Variants in MGP observed in about 807,000 individuals in gnomAD.
The protein encoded by MGP is matrix Gla protein.
In MGP, 13 loss-of-function variants were observed where a neutral mutation model predicts 14.5. The ratio of observed to expected loss-of-function variants is 0.89; its 90% CI spans 0.58 to 1.42. MGP has a LOEUF of 1.42. Ranked by LOEUF, MGP falls within the 40% of genes most tolerant of loss-of-function variation. The pLI is 0.00. For synonymous variants in MGP, 44 were observed against 46.3 expected (o/e 0.95, Z 0.20); for missense variants, 128 against 133.7 (o/e 0.96, Z 0.21).
Position 14,880,868 on chromosome 12 carries a change from A to G in MGP, c.*1271T>C, listed in dbSNP as rs1454778691. Among the ~76,000 whole-genome samples, 1 of 152,250 alleles carries G rather than the reference A, an allele frequency of 6.6e-6. No individual in the cohort carries two copies. The highest frequency in any genetic ancestry group is 1.5e-5 in the Non-Finnish European group (1 of 68,046). ...AAAGATAAAAATGTTAGAAGCAGCCAGAGATAAAAGATGCAGTATACACAG... is the reference window on the plus strand; with the variant it reads ...AAAGATAAAAATGTTAGAAGCAGCCGGAGATAAAAGATGCAGTATACACAG... On this transcript the variant is annotated 3_prime_UTR_variant, in exon 4 of 4. Coordinates refer to ENST00000539261, the MANE Select transcript of MGP (RefSeq NM_000900.5).
chr12:14,882,669 C>G (rs1384941282), intron 3 of MGP, among the ~76,000 whole-genome samples: 3 of 149,266 alleles, frequency 2.0e-5, no homozygotes, highest in Non-Finnish European at 4.5e-5. Context: ...AAAAACCAAC[C>G]AACCAACCAA....
intron 1 of MGP, chr12:14,884,712 G>A: frequency 1.0e-6 from 1 of 974,420 alleles, no homozygotes; most frequent in South Asian, 1.8e-5. Context: ...TTGCTCTGCT[G>A]GGCTTACTAG....
At chr12:14,884,106 C>A (rs917815409) in intron 2 of MGP, 107 bp downstream of exon 2, 7 of 879,414 alleles carry the variant, frequency 8.0e-6, no homozygotes, top group Non-Finnish European at 1.0e-5. Context: ...CCAAAAGAGG[C>A]CCCCTTTTCC....
intron 1 of MGP, chr12:14,884,885 C>T: frequency 1.3e-6 from 2 of 1,534,494 alleles, no homozygotes; most frequent in South Asian, 2.4e-5. Flanking sequence ...TTCTGCCACT[C>T]TCCTGAGCAC....
At position 14,881,965 on chromosome 12, in the gene MGP, A is replaced by G; in HGVS notation, c.*174T>C. On this transcript the variant is annotated 3_prime_UTR_variant, in exon 4 of 4. Transcript: ENST00000539261. ...TCTCCTTTGACCCTCACTGCAGTGC[A>G]CTTTCATTACTTATCAATCTGGGGG... 1.3e-6 allele frequency: 1 copy of G among 741,518 alleles called. No homozygotes were observed. Among genetic ancestry groups the G allele is most frequent in the Non-Finnish European group, 2.3e-6 (1 of 439,368 alleles). The allele number at this position is 741,518 out of a possible 1,614,324, so 45.9% of individuals were successfully genotyped here.
chr12:14,885,113 A>G (rs1863425042), intron 1 of MGP, among the ~76,000 whole-genome samples: 1 of 152,258 alleles, frequency 6.6e-6, no homozygotes, highest in African/African-American at 2.4e-5. Flanking sequence ...AAATAAGTAA[A>G]TAACTTTGCT....
At chr12:14,882,829 C>T in intron 3 of MGP, 143 bp downstream of exon 3, 5 of 646,992 alleles carry the variant, frequency 7.7e-6, no homozygotes, top group South Asian at 7.1e-5. Flanking sequence ...CAGTTGTTTT[C>T]TGAATATTGC....
chr12:14,883,001 C>T lies in MGP; in HGVS notation c.141G>A (p.Gln47=), dbSNP rs548359645. The T allele has an allele frequency of 6.2e-7, 1 of 1,612,866 alleles. No individual in the cohort carries two copies. The highest frequency in any genetic ancestry group is 1.1e-5 in the South Asian group (1 of 91,056). The part of the protein sequence containing the change: ...RRNANTFISP[Q]QRWRAKVQER... Reference sequence around the variant, plus strand: ...CTTGGACTTTAGCTCTCCATCTCTGCTGAGGGGATATGAAGGTATTTGCAT... The same window carrying T: ...CTTGGACTTTAGCTCTCCATCTCTGTTGAGGGGATATGAAGGTATTTGCAT... Residue 47 remains glutamine (Q), a synonymous_variant, in exon 3 of 4, where the codon CAG becomes CAA. Coordinates refer to ENST00000539261, the MANE Select transcript of MGP (RefSeq NM_000900.5).
chr12:14,882,234 A>G lies in MGP; in HGVS notation c.217T>C (p.Cys73Arg), dbSNP rs746809135. ...CGTTCGCAAAGTCTGTAGTCATCACAGGCTTCCCTATTGAGCTCGTGGACA... is the reference window on the plus strand; with the variant it reads ...CGTTCGCAAAGTCTGTAGTCATCACGGGCTTCCCTATTGAGCTCGTGGACA... ...KPVHELNREA[C>R]DDYRLCERYA... is the part of the protein sequence containing the mutation. Residue 73 changes from cysteine (C) to arginine (R), a missense_variant, in exon 4 of 4, where the codon TGT becomes CGT. Physicochemically the swap from Cys to Arg is radical, Grantham distance 180. Transcript: ENST00000539261. The G allele has an allele frequency of 6.2e-7, 1 of 1,614,160 alleles. No homozygotes were observed.
At chr12:14,882,948 T>C (rs1863396979) in intron 3 of MGP, 24 bp downstream of exon 3, 1 of 1,540,406 alleles carries the variant, frequency 6.5e-7, no homozygotes, top group African/African-American at 1.4e-5. Flanking sequence ...AAATGACCAC[T>C]CCTCATGAAG....
In MGP at chr12:14,881,409, TATAAC is replaced by T. The variant is rs34250246; in HGVS notation, c.*725_*729del. On this transcript the variant is annotated 3_prime_UTR_variant, in exon 4 of 4. Coordinates refer to ENST00000539261, the MANE Select transcript of MGP (RefSeq NM_000900.5). ...CCTTTAACAAATGTAGAAGTAAAAA[TATAAC>T]ATAAGTAGAAGTAAAAAATAATTGG... The T allele has an allele frequency of 1.7e-3, 257 of 152,262 alleles. No individual in the cohort carries two copies. Among genetic ancestry groups the T allele is most frequent in the African/African-American group, 5.8e-3 (240 of 41,564 alleles). 9.4% of individuals were successfully genotyped at this position (152,262 alleles called of 1,614,324 possible). A position where few individuals can be genotyped will look rare whatever the true frequency, so the allele number is the denominator to read the frequency against.
rs751425407 is a variant in MGP at position 14,883,011 on chromosome 12, A to T, written c.131T>A (p.Ile44Lys). 1 of 1,613,028 alleles carries T rather than the reference A, an allele frequency of 6.2e-7. No homozygotes were observed. The highest frequency in any genetic ancestry group is 8.5e-7 in the Non-Finnish European group (1 of 1,179,118). Residue 44 changes from isoleucine to lysine, a missense_variant, in exon 3 of 4, where the codon ATA becomes AAA. Transcript: ENST00000539261. ...AGCTCTCCATCTCTGCTGAGGGGAT[A>T]TGAAGGTATTTGCATTTCTCCTGTT... ...FINRRNANTF[I>K]SPQQRWRAKV...
intron 3 of MGP, 114 bp from the exon 4 acceptor site, chr12:14,882,394 G>C: frequency 7.5e-7 from 1 of 1,327,256 alleles, no homozygotes; most frequent in Non-Finnish European, 1.1e-6. Context: ...CCTATATTAA[G>C]AGATATTTAA....
chr12:14,884,748 A>G, intron 1 of MGP: 1 of 1,427,426 alleles, frequency 7.0e-7, no homozygotes, highest in Non-Finnish European at 9.4e-7. Flanking sequence ...GGGTTCCGAA[A>G]GCCTCTTAAG....
Position 14,883,075 on chromosome 12 carries a change from T to C in MGP, c.95-28A>G, listed in dbSNP as rs761128436. ...TAGAACAGAAAATAAATAAATGCAG[T>C]TTTAGCGACACATAGCTGGAAATAT... On this transcript the variant is annotated intron_variant, in intron 2 of 3. Transcript: ENST00000539261. 3.4e-6 allele frequency: 5 copies of C among 1,478,598 alleles called. No homozygotes were observed. The South Asian group carries it at 5.7e-5, about 17-fold the overall frequency. The allele number at this position is 1,478,598 out of a possible 1,614,324, so 91.6% of individuals were successfully genotyped here.
intron 2 of MGP, chr12:14,883,934 G>A (rs1863410749): frequency 3.3e-6 from 1 of 306,018 alleles, no homozygotes; most frequent in Non-Finnish European, 6.2e-6. Context: ...TTTTCCATCT[G>A]TGCAGTTGAC....
rs981920787 is a variant in MGP at position 14,881,503 on chromosome 12, A to G, written c.*636T>C. On this transcript the variant is annotated 3_prime_UTR_variant, in exon 4 of 4. Transcript: ENST00000539261. ...TAGTTAAGTGTATAAACTATTATTG[A>G]CAGTTTTTGCCAATTGCTTTTATTT... 6 of 153,542 alleles carry G rather than the reference A, an allele frequency of 3.9e-5. No homozygotes were observed. Among genetic ancestry groups the G allele is most frequent in the African/African-American group, 1.4e-4 (6 of 41,450 alleles). The allele number at this position is 153,542 out of a possible 1,614,324, so 9.5% of individuals were successfully genotyped here. A position where few individuals can be genotyped will look rare whatever the true frequency, so the allele number is the denominator to read the frequency against.
intron 3 of MGP, 148 bp from the exon 4 acceptor site, chr12:14,882,428 G>A: frequency 9.7e-7 from 1 of 1,033,474 alleles, no homozygotes; most frequent in East Asian, 2.6e-5. Context: ...GCTGGGTGCG[G>A]TGGCTCAGGC....
chr12:14,885,013 A>G, intron 1 of MGP: 3 of 665,844 alleles, frequency 4.5e-6, no homozygotes, highest in Non-Finnish European at 7.3e-6. Context: ...ATTTGTGAAT[A>G]CAAGAGTGAG....
Sources: gnomAD v4.1 joint callset for allele counts (sites outside exome capture counted in the v4.1 genomes callset) on GRCh38, gnomAD v4.1.1 for gene constraint, MANE v1.5 for transcripts, NCBI Gene and HGNC (gene_info 2026-07-23, HGNC 2026-07-21) for gene names.